Variants in SORCS1 observed in about 807,000 individuals in gnomAD.
SORCS1 encodes the protein sortilin related VPS10 domain containing receptor 1.
In SORCS1, 60 loss-of-function variants were observed where a neutral mutation model predicts 146.1. The observed-to-expected ratio is 0.41, with a 90% CI of 0.33 to 0.51. The LOEUF is 0.51. Among genes scored for constraint, SORCS1 ranks in the 20% least tolerant of loss-of-function variants. The pLI is 0.21. For missense variants in SORCS1, 1,352 were observed against 1,487.6 expected, an observed-to-expected ratio of 0.91 and a Z score of 1.50; for synonymous variants, 637 against 584.0, an observed-to-expected ratio of 1.09 and a Z score of -1.31.
At chr10:107,048,987 C>G (rs1020565577) in intron 1 of SORCS1, among the ~76,000 whole-genome samples, 3 of 151,862 alleles carry the variant, frequency 2.0e-5, no homozygotes, top group African/African-American at 7.3e-5. Flanking sequence ...TGCGGCACTA[C>G]TCACAATAGC....
intron 2 of SORCS1, among the ~76,000 whole-genome samples, chr10:106,939,477 A>G (rs1953922675): frequency 6.6e-6 from 1 of 152,338 alleles, no homozygotes; most frequent in South Asian, 2.1e-4. Context: ...GTCTTTTTAA[A>G]GTTTTGGTCC....
chr10:106,878,649 T>TATATATGTATATA (rs1491300730), intron 2 of SORCS1, among the ~76,000 whole-genome samples: 1 of 137,872 alleles, frequency 7.3e-6, no homozygotes, highest in Non-Finnish European at 1.6e-5. Context: ...TATATATATA[T>TATATATGTATATA]TTTATAGCAG....
At chr10:107,038,700 G>T (rs750866354) in intron 1 of SORCS1, among the ~76,000 whole-genome samples, 140 of 19,202 alleles carry the variant, frequency 7.3e-3, no homozygotes, top group Non-Finnish European at 0.015. Flanking sequence ...AGGGGGCGGG[G>T]GGGGAGGTGG....
At chr10:106,649,317 G>A (rs1027697591) in intron 18 of SORCS1, among the ~76,000 whole-genome samples, 2 of 152,118 alleles carry the variant, frequency 1.3e-5, no homozygotes, top group African/African-American at 4.8e-5. Context: ...CTGCTGTGGG[G>A]TCAGAGCCCT....
At chr10:106,637,677 C>T (rs1286508339) in intron 18 of SORCS1, among the ~76,000 whole-genome samples, 1 of 152,170 alleles carries the variant, frequency 6.6e-6, no homozygotes, top group African/African-American at 2.4e-5. Flanking sequence ...ACACTTTGAA[C>T]ACATCAAATC....
At chr10:106,894,597 C>A (rs551017272) in intron 2 of SORCS1, among the ~76,000 whole-genome samples, 1 of 152,150 alleles carries the variant, frequency 6.6e-6, no homozygotes, top group Non-Finnish European at 1.5e-5. Flanking sequence ...AATAAACTCG[C>A]ATAGCCAATG....
intron 2 of SORCS1, among the ~76,000 whole-genome samples, chr10:106,891,754 G>A (rs1472399314): frequency 6.6e-6 from 1 of 152,098 alleles, no homozygotes; most frequent in Non-Finnish European, 1.5e-5. Context: ...CAGCATCAAA[G>A]AAGATTTTTG....
intron 3 of SORCS1, among the ~76,000 whole-genome samples, chr10:106,814,628 G>A (rs1281149264): frequency 2.0e-5 from 3 of 152,100 alleles, no homozygotes; most frequent in Admixed American, 2.0e-4. Flanking sequence ...ATACAAGGTG[G>A]TCTTGGCCGG....
chr10:107,103,830 A>T (rs541349228), intron 1 of SORCS1, among the ~76,000 whole-genome samples: 1 of 152,304 alleles, frequency 6.6e-6, no homozygotes, highest in East Asian at 1.9e-4. Flanking sequence ...GTAAAACTCA[A>T]AGACCAAATC....
At chr10:106,577,602 G>C in intron 25 of SORCS1, 47 bp from the exon 26 acceptor site, 1 of 1,608,936 alleles carries the variant, frequency 6.2e-7, no homozygotes, top group South Asian at 1.1e-5. Context: ...CACTGGAAAG[G>C]GAAAGGTGTC....
intron 1 of SORCS1, among the ~76,000 whole-genome samples, chr10:107,049,542 A>G (rs903728836): frequency 1.3e-5 from 2 of 152,178 alleles, no homozygotes; most frequent in Non-Finnish European, 2.9e-5. Context: ...TTTAAGTGCT[A>G]AAACTTCTTC....
At chr10:106,678,720 A>G (rs1437298116) in intron 12 of SORCS1, among the ~76,000 whole-genome samples, 1 of 152,214 alleles carries the variant, frequency 6.6e-6, no homozygotes, top group Non-Finnish European at 1.5e-5. Context: ...ACACTGGTTT[A>G]AAGTATTCCA....
intron 17 of SORCS1, among the ~76,000 whole-genome samples, chr10:106,655,559 C>A (rs1327777046): frequency 6.6e-6 from 1 of 152,178 alleles, no homozygotes; most frequent in Non-Finnish European, 1.5e-5. Flanking sequence ...TCTGATCAAT[C>A]ATTACCTTAG....
At chr10:106,995,120 G>A (rs993382608) in intron 1 of SORCS1, among the ~76,000 whole-genome samples, 1 of 151,988 alleles carries the variant, frequency 6.6e-6, no homozygotes, top group Non-Finnish European at 1.5e-5. Context: ...AGACCATCCT[G>A]GCTAACATGG....
intron 5 of SORCS1, among the ~76,000 whole-genome samples, chr10:106,756,136 A>AT (rs942225070): frequency 5.9e-5 from 9 of 152,198 alleles, no homozygotes; most frequent in East Asian, 1.9e-4. Context: ...CTCAAAAAAA[A>AT]AAATAAATAA....
At chr10:106,661,335 C>T (rs569953584) in intron 17 of SORCS1, among the ~76,000 whole-genome samples, 1 of 152,194 alleles carries the variant, frequency 6.6e-6, no homozygotes, top group Non-Finnish European at 1.5e-5. Context: ...AAGGGACAGA[C>T]GTGCTTTGGT....
chr10:106,593,178 A>G (rs906174865), intron 24 of SORCS1, among the ~76,000 whole-genome samples: 1 of 151,108 alleles, frequency 6.6e-6, no homozygotes, highest in African/African-American at 2.4e-5. Flanking sequence ...GTCTCGGCCC[A>G]CCGATACCCT....
Position 106,652,522 on chromosome 10 carries a change from C to T in SORCS1, c.2335G>A (p.Asp779Asn), listed in dbSNP as rs538066629. 14 of 1,613,826 alleles carry T rather than the reference C, an allele frequency of 8.7e-6. No homozygotes were observed. The Middle Eastern group carries it at 4.9e-4, about 57-fold the overall frequency. Residue 779 changes from aspartate to asparagine, a missense_variant, in exon 18 of 26, where the codon GAT becomes AAT. Physicochemically the swap from Asp to Asn is conservative, Grantham distance 23. Transcript: ENST00000263054. Reference sequence around the variant, plus strand: ...GCAGTGTACTGTTCCCTTACGCCATCAGTGCAATTATTGGAAACCACCTTC... The same window carrying T: ...GCAGTGTACTGTTCCCTTACGCCATTAGTGCAATTATTGGAAACCACCTTC... ...YRKVVSNNCT[D>N]GVREQYTAKP...
chr10:107,159,496 C>T (rs1969544448), intron 1 of SORCS1, among the ~76,000 whole-genome samples: 1 of 152,134 alleles, frequency 6.6e-6, no homozygotes, highest in Non-Finnish European at 1.5e-5. Flanking sequence ...TCTTTCTTCC[C>T]ATGAGTAAGT....
Sources: allele counts gnomAD v4.1 joint callset (sites outside exome capture counted in the v4.1 genomes callset), GRCh38; gene constraint gnomAD v4.1.1; transcripts MANE v1.5; gene names NCBI Gene and HGNC (gene_info 2026-07-23, HGNC 2026-07-21).